CTPS2: variants seen among roughly 807,000 people sequenced by gnomAD.
CTPS2 encodes CTP synthase II.
CTPS2 carries 19 observed loss-of-function variants against 46.8 expected under a neutral mutation model. The observed-to-expected ratio is 0.41, with a 90% CI of 0.28 to 0.60. CTPS2 has a LOEUF of 0.60. CTPS2 is among the 20% of genes least tolerant of loss of function. CTPS2 has a pLI of 0.35. For missense variants in CTPS2, 286 were observed against 447.6 expected (o/e 0.64, Z 3.26); for synonymous variants, 151 against 165.2 (o/e 0.91, Z 0.66).
At chrX:16,678,609 C>T (rs1417529163) in intron 9 of CTPS2, among the ~76,000 whole-genome samples, 159 bp from the exon 10 acceptor site, 2 of 111,916 alleles carry the variant, frequency 1.8e-5, no homozygotes, top group Non-Finnish European at 3.8e-5. Flanking sequence ...TTTTGCGGCT[C>T]TTATAATCTT....
At chrX:16,705,097 A>G (rs764782901) in intron 1 of CTPS2, among the ~76,000 whole-genome samples, 1 of 109,232 alleles carries the variant, frequency 9.2e-6, no homozygotes, top group African/African-American at 3.3e-5. Flanking sequence ...GGTGTATGGG[A>G]ACTCTGTACT....
At chrX:16,629,405 G>T (rs895567749) in intron 14 of CTPS2, among the ~76,000 whole-genome samples, 10 of 111,882 alleles carry the variant, frequency 8.9e-5, no homozygotes, top group African/African-American at 2.9e-4. Flanking sequence ...ACGAAGCCCT[G>T]CCGTGCTCCT....
chrX:16,592,078 T>C (rs886962928), intron 17 of CTPS2, among the ~76,000 whole-genome samples: 1 of 102,028 alleles, frequency 9.8e-6, no homozygotes, highest in Non-Finnish European at 1.9e-5. Context: ...CTCTGTCTCT[T>C]TTTTTTTTTT....
chrX:16,693,359 T>C lies in CTPS2; in HGVS notation c.555+12A>G, dbSNP rs1923856379. ...CAAAGTTGCTGTCCACATACTTATC[T>C]GGAAAGCCCACCTGTGGGACAAGGC... On this transcript the variant is annotated intron_variant, in intron 5 of 18. Transcript: ENST00000359276. The C allele has an allele frequency of 8.7e-7, 1 of 1,151,141 alleles. No homozygotes were observed. Among genetic ancestry groups the C allele is most frequent in the Non-Finnish European group, 1.2e-6 (1 of 840,685 alleles). The allele number at this position is 1,151,141 out of a possible 1,213,427, so 94.9% of individuals were successfully genotyped here.
chrX:16,643,301 G>C (rs962894547), intron 13 of CTPS2, among the ~76,000 whole-genome samples: 2 of 111,840 alleles, frequency 1.8e-5, no homozygotes, highest in African/African-American at 3.2e-5. Context: ...GAGACAAAGG[G>C]AAAGCCTACT....
intron 1 of CTPS2, among the ~76,000 whole-genome samples, chrX:16,711,126 T>C (rs1925437105): frequency 8.9e-6 from 1 of 111,988 alleles, no homozygotes; most frequent in South Asian, 3.7e-4. Flanking sequence ...TAATAAAAAA[T>C]ATTACACAGC....
chrX:16,590,859 A>G lies in CTPS2; in HGVS notation c.1695T>C (p.Asp565=). The part of the protein sequence containing the change: ...LQQGCKLSSS[D]RYSDASDDSF... ...TGTCATCACTGGCATCACTGTATCTATCACTAGATTAAAAGAGGAACTAAT... is the reference window on the plus strand; with the variant it reads ...TGTCATCACTGGCATCACTGTATCTGTCACTAGATTAAAAGAGGAACTAAT... Residue 565 remains aspartate, a synonymous_variant, in exon 18 of 19, where the codon GAT becomes GAC. Coordinates refer to ENST00000359276, the MANE Select transcript of CTPS2 (RefSeq NM_175859.3). The G allele has an allele frequency of 8.5e-7, 1 of 1,180,734 alleles. No homozygotes were observed. The highest frequency in any genetic ancestry group is 1.1e-6 in the Non-Finnish European group (1 of 871,215).
chrX:16,593,280 T>C (rs1351520385), intron 17 of CTPS2, among the ~76,000 whole-genome samples: 2 of 109,552 alleles, frequency 1.8e-5, no homozygotes, highest in South Asian at 4.0e-4. Flanking sequence ...ATACAAAAAA[T>C]TAGCCGGGTG....
chrX:16,625,681 A>T (rs1222376187), intron 14 of CTPS2, among the ~76,000 whole-genome samples: 1 of 109,939 alleles, frequency 9.1e-6, no homozygotes, highest in Non-Finnish European at 1.9e-5. Flanking sequence ...GAATGCGGGG[A>T]TTTTATTGAG....
intron 14 of CTPS2, among the ~76,000 whole-genome samples, chrX:16,621,248 C>T (rs1360460773): frequency 2.0e-5 from 2 of 98,071 alleles, no homozygotes; most frequent in Admixed American, 1.2e-4. Flanking sequence ...GGATCCATCA[C>T]CAAACACCTC....
intron 17 of CTPS2, among the ~76,000 whole-genome samples, chrX:16,596,759 G>A (rs1270891951): frequency 6.6e-5 from 7 of 105,410 alleles, no homozygotes. Flanking sequence ...GATCCCTGAG[G>A]AATCGCCACA....
chrX:16,662,847 C>T (rs760726636), intron 13 of CTPS2, among the ~76,000 whole-genome samples: 2 of 110,954 alleles, frequency 1.8e-5, no homozygotes, highest in Non-Finnish European at 3.8e-5. Context: ...GTATAGGAGC[C>T]ATCAAAATGT....
intron 14 of CTPS2, 108 bp downstream of exon 14, chrX:16,639,039 G>A (rs1931912362): frequency 1.7e-6 from 1 of 602,824 alleles, no homozygotes; most frequent in Non-Finnish European, 2.9e-6. Flanking sequence ...GGCCCTCCGA[G>A]GATGCTGGAA....
chrX:16,671,505 C>CTTTTT (rs11323776), intron 10 of CTPS2, among the ~76,000 whole-genome samples: 2 of 48,064 alleles, frequency 4.2e-5, no homozygotes, highest in Non-Finnish European at 7.2e-5. Context: ...TAACATTTTT[C>CTTTTT]TTTTTTTTTT....
intron 13 of CTPS2, among the ~76,000 whole-genome samples, chrX:16,645,763 A>G (rs1053356445): frequency 2.7e-5 from 3 of 112,901 alleles, no homozygotes; most frequent in African/African-American, 9.7e-5. Context: ...AATCTTTAAG[A>G]AGCAATTAAG....
At chrX:16,692,638 AG>A (rs1301571633) in intron 6 of CTPS2, among the ~76,000 whole-genome samples, 3 of 111,814 alleles carry the variant, frequency 2.7e-5, no homozygotes, top group Non-Finnish European at 5.6e-5. Context: ...AGCCTAGGGA[AG>A]AACAGATTGA....
chrX:16,622,974 TGAG>T (rs1362172365), intron 14 of CTPS2, among the ~76,000 whole-genome samples: 4 of 112,236 alleles, frequency 3.6e-5, no homozygotes, highest in Non-Finnish European at 7.5e-5. Context: ...TGGGAAGCAC[TGAG>T]AACAGAAAGC....
chrX:16,698,537 G>T (rs1314888025), intron 3 of CTPS2, among the ~76,000 whole-genome samples: 8 of 85,589 alleles, frequency 9.3e-5, no homozygotes, highest in Non-Finnish European at 1.7e-4. Context: ...GTTCTACTTG[G>T]TTTTTTTGGC....
chrX:16,689,401 C>A (rs754639042), intron 8 of CTPS2, 49 bp downstream of exon 8: 4 of 1,172,037 alleles, frequency 3.4e-6, no homozygotes, highest in African/African-American at 3.6e-5. Context: ...AGTTCTACCC[C>A]CAAACTCAAA....
Sources: gnomAD v4.1 joint callset for allele counts (sites outside exome capture counted in the v4.1 genomes callset) on GRCh38, gnomAD v4.1.1 for gene constraint, MANE v1.5 for transcripts, NCBI Gene and HGNC (gene_info 2026-07-23, HGNC 2026-07-21) for gene names.